The following GSE1 variants were observed in gnomAD, a reference collection of about 807,000 sequenced individuals.
GSE1 encodes the protein genetic suppressor element 1.
Under a neutral mutation model 112.6 loss-of-function variants are expected in GSE1, and 32 were observed. The observed-to-expected ratio is 0.28, with a 90% CI of 0.21 to 0.38. The LOEUF (loss-of-function observed/expected upper bound fraction) is 0.38, where lower values mean the gene tolerates loss of function less well. GSE1 is among the 10% of genes least tolerant of loss of function. GSE1 has a pLI of 1.00. For synonymous variants in GSE1, 1,115 were observed against 735.6 expected (o/e 1.52, Z -8.35); for missense variants, 2,348 against 1,699.2 (o/e 1.38, Z -6.71).
chr16:85,528,787 C>A (rs867843622), intron 2 of GSE1, among the ~76,000 whole-genome samples: 1 of 152,092 alleles, frequency 6.6e-6, no homozygotes, highest in Non-Finnish European at 1.5e-5. Flanking sequence ...CAAGCTGATG[C>A]CTCTTGTTCC....
intron 3 of GSE1, among the ~76,000 whole-genome samples, chr16:85,653,735 C>T (rs751367097): frequency 3.5e-4 from 53 of 152,180 alleles, no homozygotes; most frequent in Non-Finnish European, 5.7e-4. Flanking sequence ...CCAGCACCTT[C>T]GGCCCAGGGG....
At chr16:85,397,451 G>T (rs1404731627) in intron 2 of GSE1, among the ~76,000 whole-genome samples, 2 of 152,226 alleles carry the variant, frequency 1.3e-5, no homozygotes, top group African/African-American at 4.8e-5. Context: ...CATGGACCCT[G>T]CCTGGAACAT....
At chr16:85,396,701 C>T (rs757706198) in intron 2 of GSE1, among the ~76,000 whole-genome samples, 9 of 152,218 alleles carry the variant, frequency 5.9e-5, no homozygotes, top group Admixed American at 2.0e-4. Flanking sequence ...GATGGATGTC[C>T]GGACGCTACA....
chr16:85,262,261 C>G (rs2144113238), intron 1 of GSE1, among the ~76,000 whole-genome samples: 1 of 152,376 alleles, frequency 6.6e-6, no homozygotes, highest in East Asian at 1.9e-4. Context: ...CCTTCTGCCT[C>G]TCAGAGCCTC....
intron 1 of GSE1, among the ~76,000 whole-genome samples, chr16:85,188,339 G>A (rs911957131): frequency 2.0e-5 from 3 of 152,226 alleles, no homozygotes; most frequent in Non-Finnish European, 2.9e-5. Context: ...ACAGGCTGTA[G>A]TACATAGTAT....
At chr16:85,279,640 A>C (rs2044795785) in intron 1 of GSE1, among the ~76,000 whole-genome samples, 1 of 152,154 alleles carries the variant, frequency 6.6e-6, no homozygotes, top group Non-Finnish European at 1.5e-5. Flanking sequence ...TCAAACAGTG[A>C]TGTAGCTCTG....
At chr16:85,237,152 C>T (rs747137950) in intron 1 of GSE1, among the ~76,000 whole-genome samples, 1 of 152,042 alleles carries the variant, frequency 6.6e-6, no homozygotes, top group South Asian at 2.1e-4. Context: ...GGTGAAACCC[C>T]GCCTCTACTA....
chr16:85,362,238 T>C (rs1200584737), intron 2 of GSE1, among the ~76,000 whole-genome samples: 2 of 152,236 alleles, frequency 1.3e-5, no homozygotes, highest in African/African-American at 4.8e-5. Context: ...GGTGAGCAGT[T>C]GAGCTCATCT....
intron 2 of GSE1, among the ~76,000 whole-genome samples, chr16:85,382,865 GCA>G (rs1378661581): frequency 6.6e-6 from 1 of 150,602 alleles, no homozygotes; most frequent in Non-Finnish European, 1.5e-5. Flanking sequence ...TGCACACACA[GCA>G]CACATGCACA....
At chr16:85,303,414 C>G (rs1484105) in intron 1 of GSE1, among the ~76,000 whole-genome samples, 2,823 of 152,324 alleles carry the variant, frequency 0.019, 85 homozygotes, top group African/African-American at 0.065. Context: ...GTCGGTCTGA[C>G]GGTGCCGCGC....
At chr16:85,256,364 T>G (rs559516639) in intron 1 of GSE1, among the ~76,000 whole-genome samples, 4 of 152,324 alleles carry the variant, frequency 2.6e-5, no homozygotes, top group South Asian at 4.1e-4. Flanking sequence ...ATGACAACAG[T>G]CAGCACTTAG....
chr16:85,474,589 A>G lies in GSE1; in HGVS notation c.2464+116946A>G, dbSNP rs369434028. ...ACGTGCTTGCCTGGGCTGTGTCCCC[A>G]TCACCCTGTCTCCTCCCCCAGTCCC... On this transcript the variant is annotated intron_variant, in intron 2 of 2. Transcript: ENST00000637419. 7.9e-5 allele frequency among the ~76,000 whole-genome samples: 12 copies of G among 151,044 alleles called. 1 individual carries two copies. Among genetic ancestry groups the G allele is most frequent in the East Asian group, 3.9e-4 (2 of 5,104 alleles).
Position 85,378,053 on chromosome 16 carries a change from G to C in GSE1, c.2464+20410G>C, listed in dbSNP as rs559291593. On this transcript the variant is annotated intron_variant, in intron 2 of 2. Coordinates refer to the GSE1 transcript ENST00000637419. ...TGGTCAAGTGGATTTTTCTGGGAAT[G>C]GCAGCCACGTCTCTTGGAGACAGAC... Among the ~76,000 whole-genome samples the C allele has an allele frequency of 2.7e-4, 41 of 152,320 alleles. No individual in the cohort carries two copies. The East Asian group carries it at 6.6e-3, about 24-fold the overall frequency.
At chr16:85,645,932 C>A (rs1472270713) in intron 2 of GSE1, among the ~76,000 whole-genome samples, 1 of 148,274 alleles carries the variant, frequency 6.7e-6, no homozygotes, top group Non-Finnish European at 1.5e-5. Flanking sequence ...ATTCTGCCTG[C>A]TTCTACCACG....
At chr16:85,480,631 C>G (rs747223475) in intron 2 of GSE1, among the ~76,000 whole-genome samples, 5 of 152,144 alleles carry the variant, frequency 3.3e-5, no homozygotes, top group Non-Finnish European at 5.9e-5. Flanking sequence ...TCCGATTGCC[C>G]TCCTGGGAGA....
chr16:85,371,665 G>A (rs2047304097), intron 2 of GSE1, among the ~76,000 whole-genome samples: 1 of 152,186 alleles, frequency 6.6e-6, no homozygotes, highest in Non-Finnish European at 1.5e-5. Context: ...GGACCCTTAC[G>A]GGACACAGGC....
intron 1 of GSE1, among the ~76,000 whole-genome samples, chr16:85,312,700 G>GGGAGAGGAGGAGAAAGAGAAGGA (rs2045887351): frequency 6.6e-6 from 1 of 152,020 alleles, no homozygotes; most frequent in African/African-American, 2.4e-5. Context: ...AGGGGGAGGA[G>GGGAGAGGAGGAGAAAGAGAAGGA]GGAGAGGAGG....
chr16:85,630,598 T>G (rs1206289442), intron 1 of GSE1, among the ~76,000 whole-genome samples: 1 of 152,220 alleles, frequency 6.6e-6, no homozygotes, highest in East Asian at 1.9e-4. Context: ...ATTACAGGTG[T>G]GCCCACCATG....
intron 2 of GSE1, among the ~76,000 whole-genome samples, chr16:85,452,305 G>A (rs1042558404): frequency 6.6e-6 from 1 of 152,182 alleles, no homozygotes; most frequent in Non-Finnish European, 1.5e-5. Flanking sequence ...ACCCTCATGA[G>A]CTGGGACGTG....
Sources: allele counts gnomAD v4.1 joint callset (sites outside exome capture counted in the v4.1 genomes callset), GRCh38; gene constraint gnomAD v4.1.1; transcripts MANE v1.5; gene names NCBI Gene and HGNC (gene_info 2026-07-23, HGNC 2026-07-21).